The following CFAP221 variants were observed in gnomAD, a reference collection of about 807,000 sequenced individuals.
CFAP221 encodes the protein cilia- and flagella-associated protein 221.
In CFAP221, 97 loss-of-function variants were observed where a neutral mutation model predicts 113.1. The ratio of observed to expected loss-of-function variants is 0.86; its 90% CI spans 0.73 to 1.02. The LOEUF (loss-of-function observed/expected upper bound fraction) is 1.02. Among genes scored for constraint, CFAP221 ranks in the 50% least tolerant of loss-of-function variants. The pLI, the probability that CFAP221 is intolerant of heterozygous loss-of-function variation, is 0.00. For synonymous variants in CFAP221, 331 were observed against 354.4 expected (o/e 0.93, Z 0.74); for missense variants, 1,025 against 1,013.4 (o/e 1.01, Z -0.16).
intron 6 of CFAP221, among the ~76,000 whole-genome samples, chr2:119,576,952 C>T (rs1361563994): frequency 6.6e-6 from 1 of 152,190 alleles, no homozygotes; most frequent in Non-Finnish European, 1.5e-5. Context: ...TGGCGAGTTC[C>T]CTGACTTTCT....
chr2:119,638,330 A>T lies in CFAP221; in HGVS notation c.2046A>T (p.Leu682=). 1 of 1,614,092 alleles carries T rather than the reference A, an allele frequency of 6.2e-7. No individual in the cohort carries two copies. Among genetic ancestry groups the T allele is most frequent in the Non-Finnish European group, 8.5e-7 (1 of 1,179,932 alleles). The change falls in exon 20 of 24, where the codon CTA becomes CTT. Residue 682 remains leucine (L), a synonymous_variant. Coordinates refer to ENST00000413369, the MANE Select transcript of CFAP221 (RefSeq NM_001271049.2). ...TYAETLIDYH[L]CSHPKYKFTK... The stretch of plus-strand genomic sequence containing the variant: ...CAGAAACGTTGATAGATTACCATCT[A>T]TGCTCTCACCCCAAGTACAAATTCA...
intron 13 of CFAP221, 71 bp downstream of exon 13, chr2:119,611,813 A>T: frequency 8.9e-7 from 1 of 1,121,872 alleles, no homozygotes; most frequent in Non-Finnish European, 1.3e-6. Flanking sequence ...TTGAATGCTA[A>T]ACAATTTTAT....
At chr2:119,639,315 C>T (rs966629370) in intron 20 of CFAP221, among the ~76,000 whole-genome samples, 2 of 152,210 alleles carry the variant, frequency 1.3e-5, no homozygotes, top group African/African-American at 4.8e-5. Context: ...CCTGGCTCTC[C>T]AGCCACATTC....
intron 6 of CFAP221, among the ~76,000 whole-genome samples, chr2:119,585,214 T>C (rs1683126296): frequency 6.6e-6 from 1 of 152,236 alleles, no homozygotes; most frequent in East Asian, 1.9e-4. Flanking sequence ...AACAACATAC[T>C]ATATATTTTA....
At position 119,627,783 on chromosome 2, in the gene CFAP221, G is replaced by A. The variant is rs1574175552; in HGVS notation, c.1647G>A (p.Glu549=). 3.1e-6 allele frequency: 5 copies of A among 1,613,608 alleles called. No homozygotes were observed. The highest frequency in any genetic ancestry group is 2.5e-6 in the Non-Finnish European group (3 of 1,179,804). Residue 549 remains glutamate, a synonymous_variant, in exon 16 of 24, where the codon GAG becomes GAA. Coordinates refer to ENST00000413369, the MANE Select transcript of CFAP221 (RefSeq NM_001271049.2). ...PDCSPPQDSN[E]LAPDGLGLVP... is the part of the protein sequence containing the mutation. ...GCAGCCCACCCCAGGACTCCAACGA[G>A]TTGGTAGGTGCCGTCAGGCTTGGGG...
chr2:119,554,214 T>C (rs1680623647), intron 3 of CFAP221, among the ~76,000 whole-genome samples: 1 of 151,592 alleles, frequency 6.6e-6, no homozygotes, highest in African/African-American at 2.4e-5. Flanking sequence ...AAGAATGGAA[T>C]GACTGAATGT....
At chr2:119,566,212 G>A (rs1328916962) in intron 6 of CFAP221, among the ~76,000 whole-genome samples, 3 of 152,142 alleles carry the variant, frequency 2.0e-5, no homozygotes, top group Admixed American at 2.0e-4. Context: ...GTGTGGAGTA[G>A]AAAAGAAGAG....
chr2:119,651,965 A>G lies in CFAP221; in HGVS notation c.2319-9A>G, dbSNP rs201532307. 6.2e-7 allele frequency: 1 copy of G among 1,603,586 alleles called. No homozygotes were observed. Among genetic ancestry groups the G allele is most frequent in the East Asian group, 2.2e-5 (1 of 44,680 alleles). ...AGCAGTGCCCACTAAACATCTTATT[A>G]CTTTGCAGTGAGCTCTGTGAGCAGA... On this transcript the variant is annotated splice_polypyrimidine_tract_variant and intron_variant, in intron 22 of 23. Transcript: ENST00000413369.
At chr2:119,582,738 G>T (rs1682937128) in intron 6 of CFAP221, among the ~76,000 whole-genome samples, 1 of 152,088 alleles carries the variant, frequency 6.6e-6, no homozygotes, top group African/African-American at 2.4e-5. Context: ...TTACAGGCGT[G>T]AGCCACAGCA....
At chr2:119,571,432 G>T (rs186973126) in intron 6 of CFAP221, among the ~76,000 whole-genome samples, 4 of 148,138 alleles carry the variant, frequency 2.7e-5, no homozygotes, top group African/African-American at 1.0e-4. Context: ...GAGCCACCAC[G>T]CCCGGCCAAC....
At chr2:119,623,532 G>A (rs1686084066) in intron 14 of CFAP221, among the ~76,000 whole-genome samples, 1 of 152,110 alleles carries the variant, frequency 6.6e-6, no homozygotes, top group Non-Finnish European at 1.5e-5. Context: ...AATTTCATTT[G>A]GAACCAAAAA....
chr2:119,548,856 T>C (rs1680225191), intron 2 of CFAP221, among the ~76,000 whole-genome samples: 1 of 152,214 alleles, frequency 6.6e-6, no homozygotes, highest in Admixed American at 6.5e-5. Flanking sequence ...TACCTGACTT[T>C]GTATTGTAAT....
chr2:119,638,280 G>C lies in CFAP221; in HGVS notation c.1996G>C (p.Ala666Pro), dbSNP rs1021517355. The C allele has an allele frequency of 5.6e-6, 9 of 1,614,042 alleles. No homozygotes were observed. The highest frequency in any genetic ancestry group is 2.7e-5 in the African/African-American group (2 of 74,928). ...GCAGAATCCCAACCCAGGATTATTT[G>C]CTGTAATGCATCCTCTGACCTATGC... ...YVFNPNPGLFAVMHPLTYAET... is the reference protein window; with the variant it reads ...YVFNPNPGLFPVMHPLTYAET... The change falls in exon 20 of 24, where the codon GCT becomes CCT. Residue 666 changes from alanine to proline, a missense_variant. Coordinates refer to ENST00000413369, the MANE Select transcript of CFAP221 (RefSeq NM_001271049.2).
intron 15 of CFAP221, chr2:119,625,903 G>T: frequency 1.9e-6 from 1 of 538,894 alleles, no homozygotes; most frequent in Non-Finnish European, 3.3e-6. Flanking sequence ...CTGATTGACT[G>T]GCTGAATATG....
At chr2:119,599,653 G>A (rs968253534) in intron 7 of CFAP221, among the ~76,000 whole-genome samples, 31 of 152,106 alleles carry the variant, frequency 2.0e-4, no homozygotes, top group Admixed American at 3.3e-4. Flanking sequence ...AGGCCCTTTC[G>A]TTCTCATACT....
chr2:119,623,613 A>T (rs1441936608), intron 14 of CFAP221, among the ~76,000 whole-genome samples: 1 of 152,222 alleles, frequency 6.6e-6, no homozygotes, highest in Non-Finnish European at 1.5e-5. Flanking sequence ...CCTGACTTCA[A>T]ACTATACTAC....
intron 6 of CFAP221, among the ~76,000 whole-genome samples, chr2:119,577,992 T>A (rs946939454): frequency 2.0e-5 from 3 of 152,256 alleles, no homozygotes. Context: ...CAGCTAGGGC[T>A]GCTCAACTGG....
chr2:119,634,491 A>G (rs1035341641), intron 19 of CFAP221, among the ~76,000 whole-genome samples: 13 of 152,118 alleles, frequency 8.5e-5, no homozygotes, highest in African/African-American at 2.9e-4. Flanking sequence ...GAGAAAGAAA[A>G]CAGGATATCA....
intron 19 of CFAP221, among the ~76,000 whole-genome samples, chr2:119,635,877 C>T (rs548272049): frequency 1.3e-5 from 2 of 152,116 alleles, no homozygotes; most frequent in Non-Finnish European, 2.9e-5. Context: ...CAAGCACTAA[C>T]AGTGCAGTTG....
Sources: gnomAD v4.1 joint callset for allele counts (sites outside exome capture counted in the v4.1 genomes callset) on GRCh38, gnomAD v4.1.1 for gene constraint, MANE v1.5 for transcripts, NCBI Gene and HGNC (gene_info 2026-07-23, HGNC 2026-07-21) for gene names.